Variants in SLC7A14 observed in about 807,000 individuals in gnomAD.
SLC7A14 encodes the protein solute carrier family 7 member 14, also known as gamma-aminobutyric acid transporter SLC7A14.
In SLC7A14, 37 loss-of-function variants were observed where a neutral mutation model predicts 60.2. The observed-to-expected ratio is 0.61, with a 90% CI of 0.47 to 0.81. The LOEUF is 0.81. Ranked by LOEUF, SLC7A14 falls within the 30% of genes least tolerant of loss-of-function variation. The pLI is 0.00. For synonymous variants in SLC7A14, 399 were observed against 395.8 expected (o/e 1.01, Z -0.10); for missense variants, 886 against 982.7 (o/e 0.90, Z 1.32).
chr3:170,564,013 G>A lies in SLC7A14; in HGVS notation c.-153+21898C>T, dbSNP rs188979949. On this transcript the variant is annotated intron_variant, in intron 1 of 7. Coordinates refer to ENST00000231706, the MANE Select transcript of SLC7A14 (RefSeq NM_020949.3). ...TCTAGTGATGGATTTTCATATAAGA[G>A]CTATGTGTGGGTGTGTAACATTTAT... 2.3e-3 allele frequency among the ~76,000 whole-genome samples: 346 copies of A among 152,252 alleles called. 1 individual carries two copies. Among genetic ancestry groups the A allele is most frequent in the African/African-American group, 7.9e-3 (329 of 41,534 alleles).
chr3:170,567,693 T>C (rs1714832890), intron 1 of SLC7A14, among the ~76,000 whole-genome samples: 1 of 152,026 alleles, frequency 6.6e-6, no homozygotes, highest in Non-Finnish European at 1.5e-5. Context: ...TTTTTAATGA[T>C]TGCCATTCTA....
rs1331882052 is a variant in SLC7A14 at position 170,563,422 on chromosome 3, T to TTG, written c.-153+22488_-153+22489insCA. ...CAAACACTGTTTGTTTGTTTGTTTT[T>TTG]TTTTTTTTTTTTTGAGATGGAGTCT... On this transcript the variant is annotated intron_variant, in intron 1 of 7. Transcript: ENST00000231706. Among the ~76,000 whole-genome samples, 26 of 145,248 alleles carry TTG rather than the reference T, an allele frequency of 1.8e-4. 1 individual carries two copies. The East Asian group carries it at 5.1e-3, about 28-fold the overall frequency.
rs987808616 is a variant in SLC7A14, at chr3:170,535,686, C to T, written c.-152-8598G>A. ...AGGCCAGGTGTTTATCCCTAGCTTC[C>T]CTTTGCCAGGTCACTGTGGGTTGGC... On this transcript the variant is annotated intron_variant, in intron 1 of 7. Transcript: ENST00000231706. The surrounding 1 kb of genome is among the most constrained non-coding windows in gnomAD (Gnocchi z 4.3). Among the ~76,000 whole-genome samples, 1 of 152,152 alleles carries T rather than the reference C, an allele frequency of 6.6e-6. No individual in the cohort carries two copies. The highest frequency in any genetic ancestry group is 2.4e-5 in the African/African-American group (1 of 41,448).
rs34846840 is a variant in SLC7A14, at chr3:170,463,355, T to C, written c.*3700A>G. 0.047 allele frequency: 7,126 copies of C among 152,174 alleles called. 236 individuals carry two copies. Among genetic ancestry groups the C allele is most frequent in the Middle Eastern group, 0.12 (35 of 294 alleles). 9.4% of individuals were successfully genotyped at this position (152,174 alleles called of 1,614,324 possible). On this transcript the variant is annotated 3_prime_UTR_variant, in exon 8 of 8. Transcript: ENST00000231706. The stretch of plus-strand genomic sequence containing the variant: ...TTTCTCTCATTTCTACTTGATAAAA[T>C]TCTACCCACTTCACAAGTTCCAACA...
intron 1 of SLC7A14, among the ~76,000 whole-genome samples, chr3:170,572,966 G>A (rs569443597): frequency 6.6e-6 from 1 of 152,266 alleles, no homozygotes; most frequent in East Asian, 1.9e-4. Flanking sequence ...TTTAGAGGTA[G>A]CAATGTTGCG....
At chr3:170,547,382 A>T (rs1449446718) in intron 1 of SLC7A14, among the ~76,000 whole-genome samples, 1 of 152,156 alleles carries the variant, frequency 6.6e-6, no homozygotes, top group African/African-American at 2.4e-5. Flanking sequence ...ATAACTTTTG[A>T]CTCTCCAAAA....
At chr3:170,548,891 T>G (rs563560596) in intron 1 of SLC7A14, among the ~76,000 whole-genome samples, 5 of 152,314 alleles carry the variant, frequency 3.3e-5, no homozygotes, top group African/African-American at 1.2e-4. Context: ...ATTAATTGTG[T>G]CATTATTCAT....
rs754058979 is a variant in SLC7A14, at chr3:170,481,097, T to C, written c.1185A>G (p.Ala395=). ...AGCTGACCAACAGTGCGAGGAGCGCTGCCAGGAACCCCGACACGATGCAGG... is the reference window on the plus strand; with the variant it reads ...AGCTGACCAACAGTGCGAGGAGCGCCGCCAGGAACCCCGACACGATGCAGG... The part of the protein sequence containing the change: ...VVACIVSGFL[A]ALLALLVSLR... Residue 395 remains alanine (A), a synonymous_variant, in exon 7 of 8, where the codon GCA becomes GCG. Transcript: ENST00000231706. The C allele has an allele frequency of 9.3e-6, 15 of 1,614,000 alleles. 1 individual carries two copies. The South Asian group carries it at 1.6e-4, about 18-fold the overall frequency.
intron 1 of SLC7A14, among the ~76,000 whole-genome samples, chr3:170,541,798 A>T (rs1289179695): frequency 3.3e-5 from 5 of 152,186 alleles, no homozygotes; most frequent in Non-Finnish European, 7.4e-5. Context: ...ATTGCAAAAA[A>T]CCACAGTTAC....
intron 1 of SLC7A14, among the ~76,000 whole-genome samples, chr3:170,528,894 C>T (rs7651111): frequency 0.018 from 2,773 of 152,188 alleles, 45 homozygotes; most frequent in Non-Finnish European, 0.028. Context: ...CATGAATCCA[C>T]GTGTCTATTT....
rs141372971 is a variant in SLC7A14 at position 170,467,234 on chromosome 3, C to G, written c.2137G>C (p.Glu713Gln). 1 of 1,614,170 alleles carries G rather than the reference C, an allele frequency of 6.2e-7. No homozygotes were observed. The highest frequency in any genetic ancestry group is 2.2e-5 in the East Asian group (1 of 44,896). The part of the protein sequence containing the change: ...SVEEGFSYAT[E>Q]GESQEDWGGP... ...CCCCAGTCCTCCTGGCTCTCGCCCT[C>G]TGTGGCGTAGGAGAAACCCTCCTCC... is the stretch of plus-strand genomic sequence containing the variant. Residue 713 changes from glutamate (E) to glutamine (Q), a missense_variant, in exon 8 of 8, where the codon GAG becomes CAG. Glu to Gln is a conservative substitution (Grantham distance 29, BLOSUM62 2). Transcript: ENST00000231706.
At chr3:170,542,399 C>CCACCGG (rs1218444671) in intron 1 of SLC7A14, among the ~76,000 whole-genome samples, 1 of 152,160 alleles carries the variant, frequency 6.6e-6, no homozygotes, top group Non-Finnish European at 1.5e-5. Flanking sequence ...GTAAAAGCAC[C>CCACCGG]CACCGGCACC....
intron 1 of SLC7A14, among the ~76,000 whole-genome samples, chr3:170,548,089 A>G (rs1714233134): frequency 6.6e-6 from 1 of 152,194 alleles, no homozygotes; most frequent in South Asian, 2.1e-4. Flanking sequence ...GCCCATTTCC[A>G]TATGAAGAAG....
At chr3:170,564,859 G>T (rs917745122) in intron 1 of SLC7A14, among the ~76,000 whole-genome samples, 2 of 152,194 alleles carry the variant, frequency 1.3e-5, no homozygotes, top group Non-Finnish European at 2.9e-5. Context: ...TATAGCACTT[G>T]TTTGGCAACT....
chr3:170,472,350 C>T (rs1454275545), intron 7 of SLC7A14, among the ~76,000 whole-genome samples: 1 of 143,032 alleles, frequency 7.0e-6, no homozygotes, highest in Non-Finnish European at 1.5e-5. Context: ...GCCTGGGCGA[C>T]AGAGTGAGAC....
chr3:170,517,286 T>C (rs1359783957), intron 2 of SLC7A14, among the ~76,000 whole-genome samples: 1 of 152,204 alleles, frequency 6.6e-6, no homozygotes, highest in Admixed American at 6.5e-5. Flanking sequence ...ATTGGGACAT[T>C]TGAGACAGCT....
At chr3:170,487,420 TG>T (rs1712070658) in intron 4 of SLC7A14, among the ~76,000 whole-genome samples, 1 of 151,522 alleles carries the variant, frequency 6.6e-6, no homozygotes, top group African/African-American at 2.4e-5. Context: ...GTGTATGGGG[TG>T]AGGGAAAAAG....
intron 1 of SLC7A14, among the ~76,000 whole-genome samples, chr3:170,541,560 C>T (rs1378489783): frequency 1.3e-5 from 2 of 152,222 alleles, no homozygotes; most frequent in African/African-American, 2.4e-5. Flanking sequence ...TTACACACCA[C>T]TTACTCCAGT....
chr3:170,539,112 C>G (rs1713937150), intron 1 of SLC7A14, among the ~76,000 whole-genome samples: 1 of 152,096 alleles, frequency 6.6e-6, no homozygotes, highest in Non-Finnish European at 1.5e-5. Flanking sequence ...TCAAAATGTC[C>G]TCCAGGGCCC....
Sources: gnomAD v4.1 joint callset for allele counts (sites outside exome capture counted in the v4.1 genomes callset) on GRCh38, gnomAD v4.1.1 for gene constraint, Gnocchi (gnomAD v3.1) non-coding constraint, MANE v1.5 for transcripts, NCBI Gene and HGNC (gene_info 2026-07-23, HGNC 2026-07-21) for gene names.